PRKG2: variants seen among roughly 807,000 people sequenced by gnomAD.
PRKG2 encodes the protein protein kinase cGMP-dependent 2.
Under a neutral mutation model 97.2 loss-of-function variants are expected in PRKG2, and 33 were observed. The observed-to-expected ratio is 0.34, with a 90% CI of 0.26 to 0.45. The LOEUF is 0.45. Among genes scored for constraint, PRKG2 ranks in the 20% least tolerant of loss-of-function variants. PRKG2 has a pLI of 1.00. For missense variants in PRKG2, 638 were observed against 900.0 expected (o/e 0.71, Z 3.73); for synonymous variants, 330 against 321.8 (o/e 1.03, Z -0.27).
chr4:81,110,750 A>AGG (rs1553919002), intron 14 of PRKG2, 139 bp from the exon 15 acceptor site: 10 of 358,904 alleles, frequency 2.8e-5, no homozygotes, highest in Non-Finnish European at 4.7e-5. Context: ...CACACACACA[A>AGG]AGAGAGAGAG....
chr4:81,191,695 G>C (rs1463503270), intron 2 of PRKG2, among the ~76,000 whole-genome samples: 1 of 151,974 alleles, frequency 6.6e-6, no homozygotes, highest in Non-Finnish European at 1.5e-5. Flanking sequence ...CAGAGCTATG[G>C]GAGATAAACA....
At chr4:81,162,399 C>T (rs935350387) in intron 6 of PRKG2, among the ~76,000 whole-genome samples, 1 of 152,088 alleles carries the variant, frequency 6.6e-6, no homozygotes, top group Non-Finnish European at 1.5e-5. Flanking sequence ...AATTCCACAC[C>T]AAGCCCATGC....
intron 2 of PRKG2, among the ~76,000 whole-genome samples, chr4:81,187,158 CAG>C (rs551289301): frequency 1.8e-4 from 28 of 152,158 alleles, no homozygotes; most frequent in Non-Finnish European, 3.5e-4. Context: ...CAAAACCTGG[CAG>C]AGACACAACA....
intron 2 of PRKG2, among the ~76,000 whole-genome samples, chr4:81,195,727 C>A (rs731112): frequency 0.17 from 26,149 of 152,216 alleles, 2,665 homozygotes; most frequent in African/African-American, 0.25. Context: ...TGAATAATAT[C>A]CCATTGCATG....
At chr4:81,105,171 T>G (rs1247362166) in intron 16 of PRKG2, among the ~76,000 whole-genome samples, 1 of 152,172 alleles carries the variant, frequency 6.6e-6, no homozygotes, top group Non-Finnish European at 1.5e-5. Context: ...CTCAGGGTAT[T>G]AAGGATGTCC....
In PRKG2 at chr4:81,120,585, A is replaced by G. The variant is rs566237439; in HGVS notation, c.1777-9974T>C. ...AAATGGTATAGTGTTTTTAACTTCA[A>G]ATTCTACTTGTTCATTGCTAGTATA... On this transcript the variant is annotated intron_variant, in intron 14 of 18. Coordinates refer to ENST00000264399, the MANE Select transcript of PRKG2 (RefSeq NM_006259.3). 2.0e-5 allele frequency among the ~76,000 whole-genome samples: 3 copies of G among 152,166 alleles called. No homozygotes were observed. In the South Asian group the frequency reaches 6.2e-4, roughly 32 times the overall value.
At chr4:81,138,533 T>C (rs1294209513) in intron 12 of PRKG2, among the ~76,000 whole-genome samples, 1 of 152,096 alleles carries the variant, frequency 6.6e-6, no homozygotes. Context: ...TCTATACAGA[T>C]TACATATTAT....
chr4:81,133,837 A>AGGC (rs1355512631), intron 14 of PRKG2, among the ~76,000 whole-genome samples: 12 of 148,772 alleles, frequency 8.1e-5, no homozygotes, highest in African/African-American at 2.8e-4. Flanking sequence ...ATACATGTGA[A>AGGC]ATATATAGCT....
intron 8 of PRKG2, among the ~76,000 whole-genome samples, chr4:81,151,113 G>T (rs781444357): frequency 6.6e-5 from 10 of 151,860 alleles, no homozygotes; most frequent in Non-Finnish European, 1.3e-4. Flanking sequence ...GCAGAATTGG[G>T]GTTTCATAGG....
intron 11 of PRKG2, among the ~76,000 whole-genome samples, chr4:81,140,975 T>C (rs926295960): frequency 3.4e-4 from 51 of 152,130 alleles, no homozygotes; most frequent in African/African-American, 1.2e-3. Flanking sequence ...AGAATTGCCT[T>C]TTTTTATTAT....
chr4:81,178,362 A>G (rs1042019251), intron 2 of PRKG2, among the ~76,000 whole-genome samples: 1 of 152,068 alleles, frequency 6.6e-6, no homozygotes, highest in Non-Finnish European at 1.5e-5. Context: ...GTTACCAGGC[A>G]TACTAAGAGA....
chr4:81,137,512 A>G (rs767592637), intron 12 of PRKG2, 30 bp from the exon 13 acceptor site: 24 of 1,549,452 alleles, frequency 1.5e-5, no homozygotes, highest in Non-Finnish European at 1.9e-5. Flanking sequence ...CATGGTTATT[A>G]TTGGAAATCT....
upstream of PRKG2, among the ~76,000 whole-genome samples, chr4:81,216,381 T>A (rs1469766057): frequency 2.1e-5 from 3 of 146,158 alleles, no homozygotes; most frequent in African/African-American, 7.8e-5. Context: ...AAAAAAAAAA[T>A]TAGAGGAGAA....
At chr4:81,136,167 T>C (rs1746675155) in intron 13 of PRKG2, among the ~76,000 whole-genome samples, 2 of 152,158 alleles carry the variant, frequency 1.3e-5, no homozygotes, top group South Asian at 4.1e-4. Flanking sequence ...CCTTCCAGGT[T>C]CTCCCCATTC....
At chr4:81,153,810 G>A (rs1005469123) in intron 6 of PRKG2, 89 bp from the exon 7 acceptor site, 1 of 884,920 alleles carries the variant, frequency 1.1e-6, no homozygotes, top group Non-Finnish European at 1.8e-6. Context: ...CTCCCAGCGT[G>A]AGCGGCGCAG....
At chr4:81,196,356 A>G (rs866448226) in intron 2 of PRKG2, among the ~76,000 whole-genome samples, 53 of 152,184 alleles carry the variant, frequency 3.5e-4, no homozygotes, top group African/African-American at 1.3e-3. Context: ...CCCACTGCAA[A>G]CTGAGATAGC....
chr4:81,107,271 T>C (rs758518792), intron 15 of PRKG2, among the ~76,000 whole-genome samples: 1 of 152,002 alleles, frequency 6.6e-6, no homozygotes, highest in Non-Finnish European at 1.5e-5. Context: ...AGGAAAGGGG[T>C]TAAGGCTCAA....
intron 17 of PRKG2, among the ~76,000 whole-genome samples, chr4:81,099,627 G>A (rs886471683): frequency 3.0e-4 from 46 of 152,090 alleles, no homozygotes; most frequent in African/African-American, 1.1e-3. Flanking sequence ...GCAAAAACTG[G>A]AAGCATTCCC....
Position 81,205,009 on chromosome 4 carries a change from G to T in PRKG2, c.39C>A (p.His13Gln), listed in dbSNP as rs757688228. ...NGSVKPKHSK[H>Q]PDGHSGNLTT... is the part of the protein sequence containing the mutation. ...TGAGGTTCCCAGAGTGTCCATCTGG[G>T]TGCTTAGAATGTTTAGGTTTCACTG... The change falls in exon 2 of 19, where the codon CAC (histidine) becomes CAA (glutamine). Residue 13 changes from histidine to glutamine, a missense_variant. Physicochemically the swap from His to Gln is conservative, Grantham distance 24. Around this residue, in one of 3 missense-constraint regions of PRKG2, gnomAD observed 332 missense variants for 421.7 expected, o/e 0.79. Transcript: ENST00000264399. 6.2e-7 allele frequency: 1 copy of T among 1,613,272 alleles called. No homozygotes were observed. The highest frequency in any genetic ancestry group is 8.5e-7 in the Non-Finnish European group (1 of 1,179,720).
Sources: allele counts gnomAD v4.1 joint callset (sites outside exome capture counted in the v4.1 genomes callset), GRCh38; gene constraint gnomAD v4.1.1; regional missense constraint gnomAD v4.1.1; transcripts MANE v1.5; gene names NCBI Gene and HGNC (gene_info 2026-07-23, HGNC 2026-07-21).